LARGE1: variants seen among roughly 807,000 people sequenced by gnomAD.
LARGE1 encodes LARGE xylosyl- and glucuronyltransferase 1.
Under a neutral mutation model 87.6 loss-of-function variants are expected in LARGE1, and 43 were observed. That is an observed-to-expected ratio of 0.49 (90% CI 0.38 to 0.63). LARGE1 has a LOEUF of 0.63. LARGE1 is among the 30% of genes least tolerant of loss of function. The pLI, the probability that LARGE1 is intolerant of heterozygous loss-of-function variation, is 0.00. For synonymous variants in LARGE1, 434 were observed against 394.6 expected (o/e 1.10, Z -1.18); for missense variants, 802 against 1,000.2 (o/e 0.80, Z 2.67).
intron 1 of LARGE1, among the ~76,000 whole-genome samples, chr22:33,869,110 T>C (rs1313524506): frequency 1.3e-5 from 2 of 152,174 alleles, no homozygotes; most frequent in African/African-American, 2.4e-5. Flanking sequence ...CCCTTTCATT[T>C]GAAATCCAAC....
chr22:33,242,882 T>A (rs913208807), intron 11 of LARGE1, among the ~76,000 whole-genome samples: 5 of 152,222 alleles, frequency 3.3e-5, no homozygotes, highest in African/African-American at 1.2e-4. Flanking sequence ...GGTGGTTTGC[T>A]GGCAATCTTT....
At chr22:33,656,323 G>T (rs1462099957) in intron 2 of LARGE1, among the ~76,000 whole-genome samples, 1 of 152,066 alleles carries the variant, frequency 6.6e-6, no homozygotes, top group South Asian at 2.1e-4. Context: ...TGAAGCGAAA[G>T]GGGTTTCCCT....
chr22:33,383,727 G>A (rs943194207), intron 8 of LARGE1, among the ~76,000 whole-genome samples: 1 of 152,102 alleles, frequency 6.6e-6, no homozygotes, highest in African/African-American at 2.4e-5. Flanking sequence ...TAAGCAAAAG[G>A]CTCAGATTAA....
chr22:33,415,704 C>T (rs917160377), intron 7 of LARGE1, among the ~76,000 whole-genome samples: 1 of 152,110 alleles, frequency 6.6e-6, no homozygotes, highest in Non-Finnish European at 1.5e-5. Flanking sequence ...ACTTTAGTGC[C>T]CTGGGCCTGT....
At chr22:33,448,997 T>C (rs763018738) in intron 6 of LARGE1, among the ~76,000 whole-genome samples, 74 of 152,340 alleles carry the variant, frequency 4.9e-4, no homozygotes, top group Non-Finnish European at 7.6e-4. Context: ...AGAATTATAA[T>C]CTTATAGCAC....
rs537958956 is a variant in LARGE1 at position 33,673,714 on chromosome 22, T to C, written c.107-23046A>G. ...ATTCTTTTTTATTTTTATTTTTATT[T>C]TGAGACAGAGTCTTGCTCTGTCGCC... On this transcript the variant is annotated intron_variant, in intron 2 of 14. Coordinates refer to ENST00000397394, the MANE Select transcript of LARGE1 (RefSeq NM_133642.5). Among the ~76,000 whole-genome samples, 49 of 152,300 alleles carry C rather than the reference T, an allele frequency of 3.2e-4. No individual in the cohort carries two copies. In the South Asian group the frequency reaches 6.6e-3, roughly 21 times the overall value.
At chr22:33,514,264 C>G (rs146670202) in intron 6 of LARGE1, among the ~76,000 whole-genome samples, 6 of 130,068 alleles carry the variant, frequency 4.6e-5, no homozygotes, top group African/African-American at 1.8e-4. Context: ...TTCTTTCAGT[C>G]GGCTAGTCTA....
chr22:33,914,883 G>A (rs1425433340), intron 1 of LARGE1, among the ~76,000 whole-genome samples: 2 of 152,080 alleles, frequency 1.3e-5, no homozygotes, highest in Non-Finnish European at 2.9e-5. Flanking sequence ...AATATTCTAA[G>A]GTCACACAGC....
At chr22:33,420,889 T>C (rs1315555767) in intron 7 of LARGE1, among the ~76,000 whole-genome samples, 1 of 151,880 alleles carries the variant, frequency 6.6e-6, no homozygotes, top group African/African-American at 2.4e-5. Context: ...GTACTTCGAG[T>C]ATTAAAGGAA....
At chr22:33,178,888 G>T (rs754436594) in intron 11 of LARGE1, among the ~76,000 whole-genome samples, 17 of 152,128 alleles carry the variant, frequency 1.1e-4, no homozygotes, top group Non-Finnish European at 2.4e-4. Flanking sequence ...CTATACCTGA[G>T]ACTGGGTAAT....
chr22:33,888,923 C>T (rs1289508573), intron 1 of LARGE1, among the ~76,000 whole-genome samples: 3 of 152,134 alleles, frequency 2.0e-5, no homozygotes, highest in African/African-American at 7.2e-5. Context: ...TACTTCACTC[C>T]CTTTAGAGAT....
chr22:33,697,077 T>C (rs1291777125), intron 2 of LARGE1, among the ~76,000 whole-genome samples: 3 of 152,076 alleles, frequency 2.0e-5, no homozygotes, highest in African/African-American at 7.2e-5. Flanking sequence ...CACACCTGCA[T>C]GAGATGACAG....
At chr22:33,467,277 A>G (rs1466740985) in intron 6 of LARGE1, among the ~76,000 whole-genome samples, 2 of 152,160 alleles carry the variant, frequency 1.3e-5, no homozygotes, top group East Asian at 3.9e-4. Flanking sequence ...TCTCAACAGG[A>G]AAGAACAATT....
At position 33,274,589 on chromosome 22, in the gene LARGE1, C is replaced by A. The variant is rs1928813223; in HGVS notation, c.2109G>T (p.Met703Ile). The change falls in exon 15 of 15, where the codon ATG (methionine) becomes ATT (isoleucine). Residue 703 changes from methionine (M) to isoleucine (I), a missense_variant. This residue lies in a region of LARGE1 where 625 missense variants were observed against 841.9 expected (regional missense o/e 0.74). Transcript: ENST00000397394. ...AGCTGGGGGCATGAGGCATGTGGAT[C>A]ATGTAGGCGTTGGGCAGCACAATGA... ...YEFIVLPNAYMIHMPHAPSFD... is the reference protein window; with the variant it reads ...YEFIVLPNAYIIHMPHAPSFD... The A allele has an allele frequency of 1.2e-6, 2 of 1,614,074 alleles. No homozygotes were observed. The highest frequency in any genetic ancestry group is 1.7e-6 in the Non-Finnish European group (2 of 1,180,014).
intron 1 of LARGE1, among the ~76,000 whole-genome samples, chr22:33,815,043 A>G (rs902028108): frequency 6.6e-6 from 1 of 152,204 alleles, no homozygotes; most frequent in East Asian, 1.9e-4. Flanking sequence ...AAGTCACCAT[A>G]ATTCCTAATA....
intron 9 of LARGE1, among the ~76,000 whole-genome samples, chr22:33,379,055 T>C (rs2179057): frequency 0.31 from 47,108 of 151,832 alleles, 8,043 homozygotes; most frequent in African/African-American, 0.45. Context: ...GCAGCAACAA[T>C]AGTGTTCACC....
At chr22:33,687,252 C>T (rs1050172793) in intron 2 of LARGE1, among the ~76,000 whole-genome samples, 1 of 151,480 alleles carries the variant, frequency 6.6e-6, no homozygotes, top group African/African-American at 2.4e-5. Flanking sequence ...GCCTTGGCCT[C>T]TCCAAGTGTT....
chr22:33,809,132 C>T (rs889516102), intron 1 of LARGE1, among the ~76,000 whole-genome samples: 3 of 152,122 alleles, frequency 2.0e-5, no homozygotes, highest in East Asian at 1.9e-4. Context: ...ATTAGCTGGG[C>T]GTGGTAGTGG....
chr22:33,485,218 CTT>C (rs35927122), intron 6 of LARGE1, among the ~76,000 whole-genome samples: 9 of 103,130 alleles, frequency 8.7e-5, no homozygotes, highest in Admixed American at 1.9e-4. Context: ...CGGTCTGAGT[CTT>C]TTTTTTTTTT....
Sources: allele counts gnomAD v4.1 joint callset (sites outside exome capture counted in the v4.1 genomes callset), GRCh38; gene constraint gnomAD v4.1.1; regional missense constraint gnomAD v4.1.1; transcripts MANE v1.5; gene names NCBI Gene and HGNC (gene_info 2026-07-23, HGNC 2026-07-21).